The following ZBTB40 variants were observed in gnomAD, a reference collection of about 807,000 sequenced individuals.
ZBTB40 encodes the protein zinc finger and BTB domain-containing protein 40.
ZBTB40 carries 60 observed loss-of-function variants against 117.5 expected under a neutral mutation model. The ratio of observed to expected loss-of-function variants is 0.51; its 90% CI spans 0.41 to 0.63. The LOEUF is 0.63. ZBTB40 is among the 30% of genes least tolerant of loss of function. The probability of loss-of-function intolerance (pLI) is 0.00; values close to 1 mark genes in which losing one functional copy is unlikely to be tolerated. For synonymous variants in ZBTB40, 525 were observed against 577.1 expected, an observed-to-expected ratio of 0.91 and a Z score of 1.29; for missense variants, 1,287 against 1,498.5, an observed-to-expected ratio of 0.86 and a Z score of 2.33.
At position 22,508,180 on chromosome 1, in the gene ZBTB40, G is replaced by A. The variant is rs780635466; in HGVS notation, c.1497+43G>A. The A allele has an allele frequency of 1.3e-5, 21 of 1,598,376 alleles. No homozygotes were observed. The African/African-American group carries it at 2.0e-4, about 15-fold the overall frequency. ...ACAGAGGGAGGGGAGGGTAAAATGAGAAAGAAGGAAAAAATATGAATACAC... is the reference window on the plus strand; with the variant it reads ...ACAGAGGGAGGGGAGGGTAAAATGAAAAAGAAGGAAAAAATATGAATACAC... On this transcript the variant is annotated intron_variant, in intron 7 of 17. Coordinates refer to ENST00000375647, the MANE Select transcript of ZBTB40 (RefSeq NM_014870.4).
chr1:22,488,349 G>T (rs545521999), intron 1 of ZBTB40, among the ~76,000 whole-genome samples: 2 of 152,154 alleles, frequency 1.3e-5, no homozygotes, highest in African/African-American at 2.4e-5. Flanking sequence ...GGCGATAAGT[G>T]CTATGCTGAA....
At chr1:22,522,496 G>C (rs1161729513) in intron 16 of ZBTB40, 33 bp downstream of exon 16, 3 of 1,608,758 alleles carry the variant, frequency 1.9e-6, no homozygotes, top group African/African-American at 2.7e-5. Flanking sequence ...TTCTAGGCTA[G>C]ACTCGGGGCC....
intron 17 of ZBTB40, among the ~76,000 whole-genome samples, chr1:22,525,401 A>G (rs1051965135): frequency 6.6e-6 from 1 of 152,132 alleles, no homozygotes; most frequent in Non-Finnish European, 1.5e-5. Context: ...TGGCTTCCTC[A>G]CTTGTTCCTG....
chr1:22,455,825 C>CT (rs1640992040), intron 1 of ZBTB40, among the ~76,000 whole-genome samples: 1 of 151,814 alleles, frequency 6.6e-6, no homozygotes, highest in Non-Finnish European at 1.5e-5. Flanking sequence ...TTGAGGAAGA[C>CT]TGAGTATAAC....
chr1:22,438,473 G>C (rs530221330), intron 1 of ZBTB40, among the ~76,000 whole-genome samples: 8 of 152,316 alleles, frequency 5.3e-5, no homozygotes, highest in African/African-American at 1.9e-4. Context: ...GAATAATGCT[G>C]TTATGAACAT....
chr1:22,442,796 C>T (rs1157153935), intron 1 of ZBTB40, among the ~76,000 whole-genome samples: 2 of 152,140 alleles, frequency 1.3e-5, no homozygotes, highest in East Asian at 1.9e-4. Flanking sequence ...TTCTTATCTC[C>T]TATATGGTTG....
rs1373480044 is a variant in ZBTB40 at position 22,480,755 on chromosome 1, TAC to T, written c.-69-9123_-69-9122del. 2.0e-5 allele frequency among the ~76,000 whole-genome samples: 3 copies of T among 152,236 alleles called. No homozygotes were observed. In the South Asian group the frequency reaches 6.2e-4, roughly 32 times the overall value. On this transcript the variant is annotated intron_variant, in intron 1 of 17. Transcript: ENST00000375647. Reference sequence around the variant, plus strand: ...TTCTTGACTTGAGATTCCTGTATGATACAGAGTATAAATTTGGATGCTATACC... The same window carrying T: ...TTCTTGACTTGAGATTCCTGTATGATAGAGTATAAATTTGGATGCTATACC...
chr1:22,512,797 C>A, intron 11 of ZBTB40, 127 bp from the exon 12 acceptor site: 3 of 1,109,480 alleles, frequency 2.7e-6, no homozygotes, highest in Non-Finnish European at 4.0e-6. Flanking sequence ...TGGCCTGGCA[C>A]CCTGGGCTTC....
Position 22,526,877 on chromosome 1 carries a change from G to A in ZBTB40, c.*481G>A, listed in dbSNP as rs1268604092. On this transcript the variant is annotated 3_prime_UTR_variant, in exon 18 of 18. Coordinates refer to ENST00000375647, the MANE Select transcript of ZBTB40 (RefSeq NM_014870.4). Reference sequence around the variant, plus strand: ...TGAGAGGGGCACCAACAGACAATTCGGGGACCTTAGGCCCCTTCCTGAGGC... The same window carrying A: ...TGAGAGGGGCACCAACAGACAATTCAGGGACCTTAGGCCCCTTCCTGAGGC... 4 of 269,528 alleles carry A rather than the reference G, an allele frequency of 1.5e-5. No homozygotes were observed. Among genetic ancestry groups the A allele is most frequent in the African/African-American group, 4.4e-5 (2 of 45,232 alleles). The allele number at this position is 269,528 out of a possible 1,614,324, so 16.7% of individuals were successfully genotyped here.
In ZBTB40 at chr1:22,526,625, C is replaced by G. The variant is rs977397510; in HGVS notation, c.*229C>G. 1.1e-5 allele frequency: 6 copies of G among 559,372 alleles called. No individual in the cohort carries two copies. Among genetic ancestry groups the G allele is most frequent in the Non-Finnish European group, 1.9e-5 (6 of 309,186 alleles). 34.7% of individuals were successfully genotyped at this position (559,372 alleles called of 1,614,324 possible). ...CCATCCTCTGTAGCAGACAGGCCTC[C>G]CTCCCCACAGGCCCGCTGCTGCGGC... is the stretch of plus-strand genomic sequence containing the variant. On this transcript the variant is annotated 3_prime_UTR_variant, in exon 18 of 18. Transcript: ENST00000375647.
At chr1:22,432,219 G>A (rs977846802) in intron 1 of ZBTB40, among the ~76,000 whole-genome samples, 1 of 152,136 alleles carries the variant, frequency 6.6e-6, no homozygotes, top group Non-Finnish European at 1.5e-5. Flanking sequence ...GCTACCAATG[G>A]ATGGCTTCTC....
chr1:22,517,651 A>C, intron 13 of ZBTB40, 187 bp downstream of exon 13: 96 of 688,160 alleles, frequency 1.4e-4, no homozygotes, highest in Non-Finnish European at 1.9e-4. Flanking sequence ...AAGGTATCTC[A>C]TATAACGCTT....
At chr1:22,479,533 A>G (rs1450403509) in intron 1 of ZBTB40, among the ~76,000 whole-genome samples, 3 of 152,150 alleles carry the variant, frequency 2.0e-5, no homozygotes, top group African/African-American at 7.2e-5. Flanking sequence ...AGTCTGTATC[A>G]GCCTAGTTGT....
At position 22,508,542 on chromosome 1, in the gene ZBTB40, C is replaced by T. The variant is rs1639136583; in HGVS notation, c.1510C>T (p.Leu504Phe). 1.2e-6 allele frequency: 2 copies of T among 1,614,202 alleles called. No individual in the cohort carries two copies. The highest frequency in any genetic ancestry group is 1.7e-6 in the Non-Finnish European group (2 of 1,180,032). The change falls in exon 8 of 18, where the codon CTT (leucine) becomes TTT (phenylalanine). Residue 504 changes from leucine (L) to phenylalanine (F), a missense_variant. Leu to Phe is a conservative substitution (Grantham distance 22). Transcript: ENST00000375647. ...APGEREVMEK[L>F]VKRDSGSGGF... is the part of the protein sequence containing the mutation. The stretch of plus-strand genomic sequence containing the variant: ...TTACATCTTGAAGGTCATGGAGAAG[C>T]TTGTGAAACGTGACTCTGGTTCAGG...
chr1:22,442,828 G>A (rs1640748558), intron 1 of ZBTB40, among the ~76,000 whole-genome samples: 1 of 152,112 alleles, frequency 6.6e-6, no homozygotes, highest in South Asian at 2.1e-4. Context: ...GTTGAGAGTG[G>A]GGTAGCAAAG....
At position 22,489,963 on chromosome 1, in the gene ZBTB40, C is replaced by A. The variant is rs1453129522; in HGVS notation, c.15C>A (p.Asn5Lys). Residue 5 changes from asparagine (N) to lysine (K), a missense_variant, in exon 2 of 18, where the codon AAC (asparagine) becomes AAA (lysine). Asn to Lys is a moderately conservative substitution (Grantham distance 94, BLOSUM62 0). Transcript: ENST00000375647. ...GAGTTGACGCAATGGAGCTCCCCAA[C>A]TACAGCCGGCAGCTGCTGCAGCAGC... MELPNYSRQLLQQLY... is the reference protein window; with the variant it reads MELPKYSRQLLQQLY... 6.2e-7 allele frequency: 1 copy of A among 1,612,180 alleles called. No homozygotes were observed. Among genetic ancestry groups the A allele is most frequent in the Admixed American group, 1.7e-5 (1 of 60,012 alleles).
chr1:22,523,966 G>A (rs114597535), intron 16 of ZBTB40, among the ~76,000 whole-genome samples: 1 of 152,198 alleles, frequency 6.6e-6, no homozygotes, highest in African/African-American at 2.4e-5. Flanking sequence ...GCCTGAATCT[G>A]ATACTAATGA....
chr1:22,523,326 A>G (rs989802991), intron 16 of ZBTB40, among the ~76,000 whole-genome samples: 1 of 152,122 alleles, frequency 6.6e-6, no homozygotes, highest in Non-Finnish European at 1.5e-5. Flanking sequence ...TATCACTTAG[A>G]ATTTCTACGT....
chr1:22,511,859 C>A lies in ZBTB40; in HGVS notation c.2186C>A (p.Pro729Gln). 1 of 1,614,200 alleles carries A rather than the reference C, an allele frequency of 6.2e-7. No individual in the cohort carries two copies. Among genetic ancestry groups the A allele is most frequent in the South Asian group, 1.1e-5 (1 of 91,088 alleles). Residue 729 changes from proline to glutamine, a missense_variant, in exon 11 of 18, where the codon CCA (proline) becomes CAA (glutamine). Coordinates refer to ENST00000375647, the MANE Select transcript of ZBTB40 (RefSeq NM_014870.4). Reference protein sequence around the residue: ...GQQEKEASASPDPAKKSFICK... With the variant: ...GQQEKEASASQDPAKKSFICK... ...CAAGAGAAAGAGGCTTCAGCCTCCC[C>A]AGACCCTGCCAAGAAGAGCTTCATC...
Sources: gnomAD v4.1 joint callset for allele counts (sites outside exome capture counted in the v4.1 genomes callset) on GRCh38, gnomAD v4.1.1 for gene constraint, MANE v1.5 for transcripts, NCBI Gene and HGNC (gene_info 2026-07-23, HGNC 2026-07-21) for gene names.